Variants in ACOT12 observed in about 807,000 individuals in gnomAD.
ACOT12 encodes acyl-CoA thioesterase 12.
In ACOT12, 51 loss-of-function variants were observed where a neutral mutation model predicts 67.7. The observed-to-expected ratio is 0.75, with a 90% CI of 0.60 to 0.95. The LOEUF is 0.95. Ranked by LOEUF, ACOT12 falls within the 40% of genes least tolerant of loss-of-function variation. ACOT12 has a pLI of 0.00. For synonymous variants in ACOT12, 251 were observed against 244.6 expected, an observed-to-expected ratio of 1.03 and a Z score of -0.24; for missense variants, 734 against 708.1, an observed-to-expected ratio of 1.04 and a Z score of -0.41.
chr5:81,330,251 T>G lies in ACOT12; in HGVS notation c.*143A>C. On this transcript the variant is annotated 3_prime_UTR_variant, in exon 15 of 15. Coordinates refer to ENST00000307624, the MANE Select transcript of ACOT12 (RefSeq NM_130767.3). The stretch of plus-strand genomic sequence containing the variant: ...TCACTGGTATTTGACTTAAGATGCA[T>G]TTTGTTTTTTAACTCCGTCACTGCA... 1 of 870,564 alleles carries G rather than the reference T, an allele frequency of 1.1e-6. No homozygotes were observed. The allele number at this position is 870,564 out of a possible 1,614,324, so 53.9% of individuals were successfully genotyped here.
At chr5:81,386,669 A>G (rs1489197844) in intron 1 of ACOT12, among the ~76,000 whole-genome samples, 1 of 152,208 alleles carries the variant, frequency 6.6e-6, no homozygotes, top group Non-Finnish European at 1.5e-5. Context: ...TTAGTTTTGG[A>G]GACTTCAGTC....
At chr5:81,384,117 CTTTTTT>C (rs35675731) in intron 2 of ACOT12, among the ~76,000 whole-genome samples, 2 of 118,724 alleles carry the variant, frequency 1.7e-5, no homozygotes, top group African/African-American at 6.4e-5. Flanking sequence ...CATAGGTGTA[CTTTTTT>C]TTTTTTTTTT....
At chr5:81,362,460 T>C (rs763972821) in intron 4 of ACOT12, among the ~76,000 whole-genome samples, 2 of 152,096 alleles carry the variant, frequency 1.3e-5, no homozygotes, top group Admixed American at 1.3e-4. Context: ...GCCACCATGC[T>C]CGGCCGACTA....
Position 81,361,281 on chromosome 5 carries a change from T to C in ACOT12, c.361-1243A>G, listed in dbSNP as rs140047148. On this transcript the variant is annotated intron_variant, in intron 4 of 14. Coordinates refer to ENST00000307624, the MANE Select transcript of ACOT12 (RefSeq NM_130767.3). ...AGGCTGGAGCACAGTGGTGTAATCATAGCTTCCTGTAACCTCAAACTCTTG... is the reference window on the plus strand; with the variant it reads ...AGGCTGGAGCACAGTGGTGTAATCACAGCTTCCTGTAACCTCAAACTCTTG... Among the ~76,000 whole-genome samples, 23 of 151,528 alleles carry C rather than the reference T, an allele frequency of 1.5e-4. No individual in the cohort carries two copies. The East Asian group carries it at 4.1e-3, about 27-fold the overall frequency.
chr5:81,378,613 C>A (rs1338843289), intron 2 of ACOT12, among the ~76,000 whole-genome samples: 1 of 152,060 alleles, frequency 6.6e-6, no homozygotes, highest in African/African-American at 2.4e-5. Flanking sequence ...TATCGAGAAT[C>A]TACAAAGAAC....
intron 5 of ACOT12, among the ~76,000 whole-genome samples, chr5:81,352,591 C>T (rs1012864529): frequency 3.3e-5 from 5 of 151,846 alleles, no homozygotes; most frequent in African/African-American, 7.3e-5. Context: ...CAGAAGCATG[C>T]TTATGAGAGG....
chr5:81,327,199 AAT>A (rs1758695273), downstream of ACOT12, among the ~76,000 whole-genome samples: 1 of 140,212 alleles, frequency 7.1e-6, no homozygotes, highest in South Asian at 2.3e-4. Flanking sequence ...ACATATATAT[AAT>A]ATATATACAC....
chr5:81,364,874 G>C (rs1351203999), intron 3 of ACOT12, among the ~76,000 whole-genome samples: 1 of 152,060 alleles, frequency 6.6e-6, no homozygotes, highest in Non-Finnish European at 1.5e-5. Context: ...TTTACTCTCA[G>C]AGTTTTTTTT....
chr5:81,348,004 G>A (rs1209676300), intron 5 of ACOT12, 74 bp from the exon 6 acceptor site: 4 of 1,482,522 alleles, frequency 2.7e-6, no homozygotes, highest in South Asian at 1.3e-5. Flanking sequence ...TTCCTTCCCG[G>A]CAGTACATTC....
chr5:81,315,421 T>C, the ACOT12 span, among the ~76,000 whole-genome samples: 2 of 152,162 alleles, frequency 1.3e-5, no homozygotes, highest in African/African-American at 2.4e-5. Context: ...TGCTTCCTCA[T>C]CCCAATACCT....
chr5:81,322,055 C>T, the ACOT12 span, among the ~76,000 whole-genome samples: 3 of 152,228 alleles, frequency 2.0e-5, no homozygotes, highest in African/African-American at 4.8e-5. Flanking sequence ...GGTTAACAGA[C>T]ATTGAGGACA....
At chr5:81,317,767 C>T in the ACOT12 span, among the ~76,000 whole-genome samples, 1 of 152,154 alleles carries the variant, frequency 6.6e-6, no homozygotes, top group Admixed American at 6.5e-5. Context: ...CAGGCCCCTC[C>T]TTCAACACTG....
intron 14 of ACOT12, 37 bp from the exon 15 acceptor site, chr5:81,330,580 A>G: frequency 6.2e-7 from 1 of 1,603,850 alleles, no homozygotes; most frequent in Non-Finnish European, 8.5e-7. Flanking sequence ...TTAATTTCTT[A>G]TTGACTTGGA....
chr5:81,386,994 CATTTT>C (rs1760741968), intron 1 of ACOT12, among the ~76,000 whole-genome samples: 1 of 128,480 alleles, frequency 7.8e-6, no homozygotes, highest in Non-Finnish European at 1.6e-5. Context: ...GGATGAGTTC[CATTTT>C]TTTTTTTTTT....
chr5:81,388,430 T>A (rs1294878970), intron 1 of ACOT12, among the ~76,000 whole-genome samples: 1 of 152,202 alleles, frequency 6.6e-6, no homozygotes, highest in Non-Finnish European at 1.5e-5. Context: ...TGATTTTGAT[T>A]GCCCTTCATA....
chr5:81,336,337 AGGCGTGTCTTTAAGTG>A (rs1229168045), intron 11 of ACOT12, among the ~76,000 whole-genome samples: 1 of 152,202 alleles, frequency 6.6e-6, no homozygotes, highest in Non-Finnish European at 1.5e-5. Flanking sequence ...CCAGGATGTC[AGGCGTGTCTTTAAGTG>A]GGCCAAGGGG....
At chr5:81,346,182 T>G (rs1759375492) in intron 6 of ACOT12, among the ~76,000 whole-genome samples, 178 bp from the exon 7 acceptor site, 1 of 152,224 alleles carries the variant, frequency 6.6e-6, no homozygotes. Context: ...AAATACCATG[T>G]CCCCGAGCAG....
At chr5:81,368,010 G>A (rs1283768215) in intron 3 of ACOT12, among the ~76,000 whole-genome samples, 1 of 152,174 alleles carries the variant, frequency 6.6e-6, no homozygotes, top group East Asian at 1.9e-4. Context: ...TAAGAATCCT[G>A]GCAGGGCACG....
At chr5:81,314,111 T>C in the ACOT12 span, among the ~76,000 whole-genome samples, 1 of 152,126 alleles carries the variant, frequency 6.6e-6, no homozygotes, top group Admixed American at 6.5e-5. Context: ...TGTGTGTGTG[T>C]GTATAATTTT....
Sources: gnomAD v4.1 joint callset for allele counts (sites outside exome capture counted in the v4.1 genomes callset) on GRCh38, gnomAD v4.1.1 for gene constraint, MANE v1.5 for transcripts, NCBI Gene and HGNC (gene_info 2026-07-23, HGNC 2026-07-21) for gene names.